Variants in CTTNBP2NL observed in about 807,000 individuals in gnomAD.
CTTNBP2NL encodes CTTNBP2 N-terminal like.
CTTNBP2NL carries 16 observed loss-of-function variants against 32.5 expected under a neutral mutation model. The observed-to-expected ratio is 0.49, with a 90% confidence interval of 0.33 to 0.75. The LOEUF (loss-of-function observed/expected upper bound fraction) is 0.75, where lower values mean the gene tolerates loss of function less well. Among genes scored for constraint, CTTNBP2NL ranks in the 30% least tolerant of loss-of-function variants. The probability of loss-of-function intolerance (pLI) is 0.02; values close to 1 mark genes in which losing one functional copy is unlikely to be tolerated. For missense variants in CTTNBP2NL, 645 were observed against 756.0 expected (o/e 0.85, Z 1.72); for synonymous variants, 298 against 289.4 (o/e 1.03, Z -0.30).
intron 3 of CTTNBP2NL, among the ~76,000 whole-genome samples, chr1:112,430,346 C>T: frequency 6.6e-6 from 1 of 151,918 alleles, no homozygotes; most frequent in East Asian, 1.9e-4. Flanking sequence ...CCACCTCAGC[C>T]TCTTAAGTAG....
chr1:112,450,470 G>A (rs1442400362), intron 4 of CTTNBP2NL, among the ~76,000 whole-genome samples: 2 of 152,182 alleles, frequency 1.3e-5, no homozygotes, highest in African/African-American at 4.8e-5. Context: ...GTGGGTGGGA[G>A]TTAGTTGCCT....
At chr1:112,391,990 CAATA>C (rs140750530), upstream of CTTNBP2NL, among the ~76,000 whole-genome samples, 3,509 of 149,178 alleles carry the variant, frequency 0.024, 74 homozygotes, top group African/African-American at 0.057. Context: ...GACCCTGTCT[CAATA>C]AATAAATAAA....
At chr1:112,447,538 G>A (rs1196146699) in intron 3 of CTTNBP2NL, among the ~76,000 whole-genome samples, 1 of 152,036 alleles carries the variant, frequency 6.6e-6, no homozygotes, top group Non-Finnish European at 1.5e-5. Flanking sequence ...ACATTTGCCA[G>A]CTGATAAGAA....
At chr1:112,398,032 T>A (rs1450936960) in intron 1 of CTTNBP2NL, among the ~76,000 whole-genome samples, 1 of 152,146 alleles carries the variant, frequency 6.6e-6, no homozygotes, top group East Asian at 1.9e-4. Context: ...GCAAACGCAA[T>A]GTGTGCTGCA....
intron 3 of CTTNBP2NL, among the ~76,000 whole-genome samples, chr1:112,431,809 TATACAC>T (rs1290667845): frequency 6.6e-6 from 1 of 152,146 alleles, no homozygotes; most frequent in Non-Finnish European, 1.5e-5. Context: ...AATTAGGTTT[TATACAC>T]ACAGACACCA....
At chr1:112,412,368 T>C (rs1275663330) in intron 2 of CTTNBP2NL, 51 bp downstream of exon 2, 25 of 152,216 alleles carry the variant, frequency 1.6e-4, no homozygotes, top group Admixed American at 1.5e-3. Context: ...TAAAATCTAA[T>C]GCAATTTTAC....
upstream of CTTNBP2NL, among the ~76,000 whole-genome samples, chr1:112,395,668 T>C (rs911822629): frequency 1.3e-5 from 2 of 152,052 alleles, no homozygotes; most frequent in African/African-American, 4.8e-5. Flanking sequence ...AAGGGTGATC[T>C]CCAGGTGTTT....
At chr1:112,442,515 T>G (rs114490665) in intron 3 of CTTNBP2NL, among the ~76,000 whole-genome samples, 6 of 152,312 alleles carry the variant, frequency 3.9e-5, no homozygotes, top group African/African-American at 1.4e-4. Context: ...AAAAAGTTAT[T>G]CTTGTGGACT....
intron 3 of CTTNBP2NL, among the ~76,000 whole-genome samples, chr1:112,430,127 A>G (rs149558739): frequency 0.011 from 1,663 of 152,292 alleles, 43 homozygotes; most frequent in African/African-American, 0.038. Context: ...TGCTCCATTC[A>G]GAAAAACATC....
upstream of CTTNBP2NL, among the ~76,000 whole-genome samples, chr1:112,394,098 C>T (rs977862001): frequency 9.3e-5 from 14 of 151,278 alleles, no homozygotes; most frequent in South Asian, 2.1e-4. Context: ...CCCAGCTACT[C>T]GGAAAGCTGA....
At chr1:112,400,337 T>G (rs902392703) in intron 1 of CTTNBP2NL, among the ~76,000 whole-genome samples, 1 of 152,172 alleles carries the variant, frequency 6.6e-6, no homozygotes, top group Non-Finnish European at 1.5e-5. Flanking sequence ...AGCTGTGAGA[T>G]AGAAATAACT....
chr1:112,455,691 C>T (rs960270456), intron 5 of CTTNBP2NL, among the ~76,000 whole-genome samples: 2 of 152,222 alleles, frequency 1.3e-5, no homozygotes, highest in Non-Finnish European at 2.9e-5. Flanking sequence ...CACAAAGATA[C>T]GTCATATTCC....
rs548806788 is a variant in CTTNBP2NL, at chr1:112,454,433, A to T, written c.331-16A>T. 1.9e-5 allele frequency: 31 copies of T among 1,593,408 alleles called. No homozygotes were observed. The highest frequency in any genetic ancestry group is 1.0e-4 in the South Asian group (9 of 90,026). On this transcript the variant is annotated splice_polypyrimidine_tract_variant and intron_variant, in intron 4 of 5. Transcript: ENST00000271277. ...TCCTTGATATTTGAAAATGAAATTT[A>T]AAAAATTCTTTAAAGGTGATCCTAG...
At chr1:112,442,625 C>T (rs1649928065) in intron 3 of CTTNBP2NL, among the ~76,000 whole-genome samples, 1 of 151,750 alleles carries the variant, frequency 6.6e-6, no homozygotes, top group African/African-American at 2.4e-5. Context: ...ATTTCAGTTT[C>T]ATTAGAACAT....
At position 112,421,310 on chromosome 1, in the gene CTTNBP2NL, CT is replaced by C. The variant is rs34750717; in HGVS notation, c.99+5064del. Among the ~76,000 whole-genome samples, 740 of 115,912 alleles carry C rather than the reference CT, an allele frequency of 6.4e-3. 6 individuals are homozygous for C. Among genetic ancestry groups the C allele is most frequent in the African/African-American group, 0.022 (701 of 31,178 alleles). 76.0% of individuals were successfully genotyped at this position (115,912 alleles called of 152,430 possible). Reference sequence around the variant, plus strand: ...ACATAATGAGACCCCCATTTCTTTTCTTTTTTTTTTTTTTTTTTGAGACGGA... The same window carrying C: ...ACATAATGAGACCCCCATTTCTTTTCTTTTTTTTTTTTTTTTTGAGACGGA... On this transcript the variant is annotated intron_variant, in intron 3 of 5. Coordinates refer to ENST00000271277, the MANE Select transcript of CTTNBP2NL (RefSeq NM_018704.3).
At chr1:112,393,945 G>A (rs577232192), upstream of CTTNBP2NL, among the ~76,000 whole-genome samples, 44 of 152,160 alleles carry the variant, frequency 2.9e-4, 1 homozygote, top group South Asian at 5.6e-3. Flanking sequence ...GGTGGTTTAC[G>A]CCTGTCATCC....
chr1:112,401,625 A>G (rs931491545), intron 1 of CTTNBP2NL, among the ~76,000 whole-genome samples: 1 of 152,180 alleles, frequency 6.6e-6, no homozygotes, highest in African/African-American at 2.4e-5. Flanking sequence ...CAAAGTAAGG[A>G]GCGATGATAG....
At chr1:112,427,535 C>T (rs1248449561) in intron 3 of CTTNBP2NL, among the ~76,000 whole-genome samples, 1 of 152,196 alleles carries the variant, frequency 6.6e-6, no homozygotes, top group Non-Finnish European at 1.5e-5. Context: ...TATAAGTTAA[C>T]TTCCAATTAC....
chr1:112,436,022 G>A (rs4839245), intron 3 of CTTNBP2NL, among the ~76,000 whole-genome samples: 78,332 of 149,134 alleles, frequency 0.53, 22,547 homozygotes, highest in South Asian at 0.71. Context: ...AGAATGTATC[G>A]ACTGATCCTC....
Sources: gnomAD v4.1 joint callset for allele counts (sites outside exome capture counted in the v4.1 genomes callset) on GRCh38, gnomAD v4.1.1 for gene constraint, MANE v1.5 for transcripts, NCBI Gene and HGNC (gene_info 2026-07-23, HGNC 2026-07-21) for gene names.